Variants in LGSN observed in about 807,000 individuals in gnomAD.
LGSN encodes lengsin.
Under a neutral mutation model 19.5 loss-of-function variants are expected in LGSN, and 21 were observed. The observed-to-expected ratio is 1.07, with a 90% CI of 0.76 to 1.55. The LOEUF (loss-of-function observed/expected upper bound fraction) is 1.55, where lower values mean the gene tolerates loss of function less well. Ranked by LOEUF, LGSN falls within the 40% of genes most tolerant of loss-of-function variation. The pLI is 0.00. For missense variants in LGSN, 673 were observed against 608.5 expected, an observed-to-expected ratio of 1.11 and a Z score of -1.12; for synonymous variants, 257 against 215.6, an observed-to-expected ratio of 1.19 and a Z score of -1.68.
At chr6:63,321,139 G>A (rs574768627), upstream of LGSN, among the ~76,000 whole-genome samples, 15 of 152,224 alleles carry the variant, frequency 9.9e-5, no homozygotes, top group South Asian at 2.9e-3. Flanking sequence ...TGCTCTTGGT[G>A]CTTTCCCCCA....
At chr6:63,317,748 G>A (rs1017497316) in intron 1 of LGSN, among the ~76,000 whole-genome samples, 32 of 152,130 alleles carry the variant, frequency 2.1e-4, no homozygotes, top group African/African-American at 7.2e-4. Context: ...TGCACTTCAT[G>A]CCCCCAACAG....
the LGSN span, among the ~76,000 whole-genome samples, chr6:63,393,019 T>A: frequency 5.3e-5 from 8 of 150,384 alleles, no homozygotes; most frequent in Non-Finnish European, 1.0e-4. Context: ...CCCGAGTAGC[T>A]GGGACTACAG....
At chr6:63,486,368 G>A in the LGSN span, among the ~76,000 whole-genome samples, 2 of 152,178 alleles carry the variant, frequency 1.3e-5, no homozygotes, top group African/African-American at 4.8e-5. Flanking sequence ...AAGAGATCCT[G>A]AACAGCAGTC....
the LGSN span, chr6:63,443,553 G>T: frequency 9.9e-7 from 1 of 1,011,150 alleles, no homozygotes; most frequent in South Asian, 3.8e-5. Flanking sequence ...GCACCACCAT[G>T]AGATCCTCCA....
chr6:63,405,059 G>C, the LGSN span, among the ~76,000 whole-genome samples: 1 of 148,292 alleles, frequency 6.7e-6, no homozygotes, highest in South Asian at 2.1e-4. Flanking sequence ...TGTGGTGTTT[G>C]GTTTTTTGTT....
the LGSN span, among the ~76,000 whole-genome samples, chr6:63,380,483 G>C: frequency 4.6e-5 from 7 of 152,166 alleles, no homozygotes; most frequent in South Asian, 2.1e-4. Context: ...TTGGTAGACA[G>C]CGTCATAAGC....
the LGSN span, among the ~76,000 whole-genome samples, chr6:63,476,210 T>C: frequency 0.062 from 9,456 of 152,170 alleles, 1,020 homozygotes; most frequent in African/African-American, 0.22. Context: ...TGCTACCTCA[T>C]AATTACATGA....
At chr6:63,345,117 A>G in the LGSN span, among the ~76,000 whole-genome samples, 1 of 152,054 alleles carries the variant, frequency 6.6e-6, no homozygotes, top group Non-Finnish European at 1.5e-5. Context: ...ACAAAAAAAA[A>G]TAAATATTCC....
the LGSN span, among the ~76,000 whole-genome samples, chr6:63,340,974 G>A: frequency 6.6e-6 from 1 of 151,994 alleles, no homozygotes; most frequent in Admixed American, 6.6e-5. Flanking sequence ...CTATAGCATT[G>A]GTTGTGTAGT....
chr6:63,485,614 C>T, the LGSN span, among the ~76,000 whole-genome samples: 81,556 of 152,114 alleles, frequency 0.54, 23,697 homozygotes, highest in African/African-American at 0.77. Context: ...AGCCTCACTG[C>T]CTTCCACAAT....
At chr6:63,319,858 A>G in intron 1 of LGSN, 56 bp downstream of exon 1, 1 of 1,263,124 alleles carries the variant, frequency 7.9e-7, no homozygotes. Flanking sequence ...GACATTTTTT[A>G]AAAAGATTTA....
At chr6:63,529,516 C>T in the LGSN span, among the ~76,000 whole-genome samples, 1 of 152,126 alleles carries the variant, frequency 6.6e-6, no homozygotes, top group Non-Finnish European at 1.5e-5. Flanking sequence ...TTTCTAACAA[C>T]CTAGCCTTCC....
At chr6:63,362,735 AGGC>A in the LGSN span, among the ~76,000 whole-genome samples, 3 of 152,222 alleles carry the variant, frequency 2.0e-5, no homozygotes, top group Non-Finnish European at 2.9e-5. Context: ...CAGTTCAAGG[AGGC>A]CTGCCTGCCT....
chr6:63,503,581 G>C, the LGSN span, among the ~76,000 whole-genome samples: 4 of 152,302 alleles, frequency 2.6e-5, no homozygotes, highest in South Asian at 8.3e-4. Flanking sequence ...GGCTAAGAAA[G>C]TATAGGTCTG....
chr6:63,485,427 G>A, the LGSN span, among the ~76,000 whole-genome samples: 13 of 152,244 alleles, frequency 8.5e-5, no homozygotes, highest in East Asian at 2.5e-3. Flanking sequence ...TCTTTATCCA[G>A]TCTATCTTCG....
chr6:63,412,555 A>AAAGAAAGAAAGG, the LGSN span, among the ~76,000 whole-genome samples: 2 of 138,924 alleles, frequency 1.4e-5, no homozygotes, highest in East Asian at 4.0e-4. Flanking sequence ...AGAAAGAAAG[A>AAAGAAAGAAAGG]AAGAAAGAAA....
the LGSN span, among the ~76,000 whole-genome samples, chr6:63,473,472 T>TA: frequency 0.033 from 1,974 of 59,358 alleles, 104 homozygotes; most frequent in African/African-American, 0.074. Flanking sequence ...ACACTCTGTC[T>TA]AAAAAAAAAA....
chr6:63,283,219 C>T (rs867910269), intron 3 of LGSN, among the ~76,000 whole-genome samples: 13 of 151,972 alleles, frequency 8.6e-5, no homozygotes, highest in Middle Eastern at 6.8e-3. Flanking sequence ...CTATTAGTTA[C>T]GGGAAGTATA....
chr6:63,524,111 A>G, the LGSN span, among the ~76,000 whole-genome samples: 1 of 152,078 alleles, frequency 6.6e-6, no homozygotes, highest in East Asian at 1.9e-4. Context: ...CAGCTTTCTA[A>G]GTAGCTGGGA....
Sources: allele counts gnomAD v4.1 joint callset (sites outside exome capture counted in the v4.1 genomes callset), GRCh38; gene constraint gnomAD v4.1.1; transcripts MANE v1.5; gene names NCBI Gene and HGNC (gene_info 2026-07-23, HGNC 2026-07-21).